GPHN: variants seen among roughly 807,000 people sequenced by gnomAD.
GPHN encodes gephyrin.
In GPHN, 17 loss-of-function variants were observed where a neutral mutation model predicts 95.5. The observed-to-expected ratio is 0.18, with a 90% CI of 0.12 to 0.27. The LOEUF is 0.27. Ranked by LOEUF, GPHN falls within the 10% of genes least tolerant of loss-of-function variation. GPHN has a pLI of 1.00. For synonymous variants in GPHN, 320 were observed against 322.5 expected (o/e 0.99, Z 0.08); for missense variants, 660 against 978.1 (o/e 0.67, Z 4.34).
At chr14:67,141,925 T>A (rs1007678301) in intron 17 of GPHN, among the ~76,000 whole-genome samples, 2 of 152,272 alleles carry the variant, frequency 1.3e-5, no homozygotes, top group African/African-American at 4.8e-5. Context: ...ATGAGATATT[T>A]GTGAGAACAT....
chr14:67,509,810 C>A, the GPHN span, among the ~76,000 whole-genome samples: 1 of 151,838 alleles, frequency 6.6e-6, no homozygotes, highest in Non-Finnish European at 1.5e-5. Context: ...AGTTTGAGAC[C>A]AGCCTGTGCA....
chr14:67,532,744 AT>A, the GPHN span, among the ~76,000 whole-genome samples: 1 of 152,150 alleles, frequency 6.6e-6, no homozygotes, highest in African/African-American at 2.4e-5. Context: ...TCTCCTGCAA[AT>A]TGCAACTCAG....
At chr14:67,531,166 A>T in the GPHN span, among the ~76,000 whole-genome samples, 1 of 152,180 alleles carries the variant, frequency 6.6e-6, no homozygotes, top group African/African-American at 2.4e-5. Flanking sequence ...TTATAGTCCC[A>T]GCTACCTGGG....
the GPHN span, among the ~76,000 whole-genome samples, chr14:67,502,715 G>A: frequency 0.73 from 110,568 of 151,806 alleles, 42,085 homozygotes; most frequent in Non-Finnish European, 0.85. Flanking sequence ...GCCTCCCAAA[G>A]TGCTGGGATT....
chr14:66,777,768 C>T (rs922399356), intron 3 of GPHN, among the ~76,000 whole-genome samples: 88 of 152,278 alleles, frequency 5.8e-4, no homozygotes, highest in Admixed American at 3.7e-3. Flanking sequence ...TGACAAAATT[C>T]AACAACCCTT....
At chr14:67,211,819 G>A in the GPHN span, among the ~76,000 whole-genome samples, 4 of 152,066 alleles carry the variant, frequency 2.6e-5, no homozygotes, top group East Asian at 1.9e-4. Flanking sequence ...ACTCCAGCCC[G>A]GGTGATGGAG....
chr14:66,754,254 A>G (rs1566907770), intron 2 of GPHN, among the ~76,000 whole-genome samples: 1 of 152,052 alleles, frequency 6.6e-6, no homozygotes, highest in East Asian at 1.9e-4. Context: ...TCATATGGTG[A>G]CTCTGTCTTC....
At chr14:66,651,054 A>G (rs1024208051) in intron 1 of GPHN, among the ~76,000 whole-genome samples, 1 of 152,220 alleles carries the variant, frequency 6.6e-6, no homozygotes, top group East Asian at 1.9e-4. Context: ...CACAGAGCAC[A>G]CACATCTTCT....
the GPHN span, among the ~76,000 whole-genome samples, chr14:67,607,057 A>G: frequency 6.6e-6 from 1 of 152,202 alleles, no homozygotes; most frequent in African/African-American, 2.4e-5. Context: ...CACCAAACCT[A>G]CAGACTCAGA....
chr14:66,924,511 T>G (rs765353457), intron 8 of GPHN, among the ~76,000 whole-genome samples: 1 of 152,200 alleles, frequency 6.6e-6, no homozygotes. Flanking sequence ...TAAGATTCTG[T>G]CATTTGTGAC....
the GPHN span, chr14:67,347,378 C>G: frequency 6.4e-7 from 1 of 1,553,862 alleles, no homozygotes; most frequent in Admixed American, 1.7e-5. Flanking sequence ...ATCCCAGAGA[C>G]ACAAAGTAAT....
At chr14:66,616,324 A>G (rs1196247057) in intron 1 of GPHN, among the ~76,000 whole-genome samples, 1 of 105,808 alleles carries the variant, frequency 9.5e-6, no homozygotes, top group Non-Finnish European at 1.7e-5. Flanking sequence ...GCATTTTTTC[A>G]TTGATTCTTT....
chr14:67,256,173 C>A, the GPHN span, among the ~76,000 whole-genome samples: 1 of 152,174 alleles, frequency 6.6e-6, no homozygotes, highest in Admixed American at 6.5e-5. Context: ...CTATTATCCT[C>A]ATTTTTCAGA....
chr14:66,701,063 C>A (rs950454206), intron 2 of GPHN, among the ~76,000 whole-genome samples: 1 of 152,204 alleles, frequency 6.6e-6, no homozygotes, highest in African/African-American at 2.4e-5. Flanking sequence ...AGTTTTCCTT[C>A]CCTAAAAGCA....
At chr14:67,581,807 G>C in the GPHN span, 1 of 415,968 alleles carries the variant, frequency 2.4e-6, no homozygotes, top group Non-Finnish European at 4.4e-6. Flanking sequence ...CCAGGTACCA[G>C]ATTTCCCTTA....
intron 1 of GPHN, among the ~76,000 whole-genome samples, chr14:66,639,802 T>C (rs2064294779): frequency 6.6e-6 from 1 of 152,068 alleles, no homozygotes; most frequent in Non-Finnish European, 1.5e-5. Context: ...TATATCTAAA[T>C]TGATTTATAA....
At chr14:66,936,438 A>G (rs1056877447) in intron 8 of GPHN, among the ~76,000 whole-genome samples, 2 of 152,164 alleles carry the variant, frequency 1.3e-5, no homozygotes, top group Admixed American at 6.6e-5. Context: ...CTTAAGTGAT[A>G]AGATGCACTG....
rs760889719 is a variant in GPHN at position 66,845,855 on chromosome 14, GTGTGTC to G, written c.294+21295_294+21300del. On this transcript the variant is annotated intron_variant, in intron 4 of 22. Transcript: ENST00000478722. The stretch of plus-strand genomic sequence containing the variant: ...TGTGTGTGTGTGTGTGTGTGTGTGT[GTGTGTC>G]TGTGTGCGTGCGCACACGTGAACGT... Among the ~76,000 whole-genome samples, 328 of 147,740 alleles carry G rather than the reference GTGTGTC, an allele frequency of 2.2e-3. 2 individuals carry two copies. Among genetic ancestry groups the G allele is most frequent in the Admixed American group, 3.8e-3 (57 of 15,114 alleles).
At chr14:66,761,215 G>T (rs539149060) in intron 2 of GPHN, among the ~76,000 whole-genome samples, 1 of 152,246 alleles carries the variant, frequency 6.6e-6, no homozygotes, top group East Asian at 1.9e-4. Flanking sequence ...TTCACTGATA[G>T]ATATACTTAA....
Sources: allele counts gnomAD v4.1 joint callset (sites outside exome capture counted in the v4.1 genomes callset), GRCh38; gene constraint gnomAD v4.1.1; transcripts MANE v1.5; gene names NCBI Gene and HGNC (gene_info 2026-07-23, HGNC 2026-07-21).